INHBA: variants seen among roughly 807,000 people sequenced by gnomAD.
INHBA encodes the protein inhibin beta A chain.
INHBA carries 1 observed loss-of-function variant against 29.0 expected under a neutral mutation model. The ratio of observed to expected loss-of-function variants is 0.03; its 90% CI spans 0.01 to 0.16. INHBA has a LOEUF of 0.16. Ranked by LOEUF, INHBA falls within the 10% of genes least tolerant of loss-of-function variation. INHBA has a pLI of 1.00. For missense variants in INHBA, 376 were observed against 545.4 expected (o/e 0.69, Z 3.09); for synonymous variants, 242 against 216.8 (o/e 1.12, Z -1.02).
At position 41,686,710 on chromosome 7, in the gene INHBA, C is replaced by G. The variant is rs1338517418; in HGVS notation, c.*2940G>C. On this transcript the variant is annotated 3_prime_UTR_variant, in exon 3 of 3. Transcript: ENST00000242208. Reference sequence around the variant, plus strand: ...AATATGGAATTACATTTCTCTGCTTCTGATAACTGTGGTCACTAATCAACC... The same window carrying G: ...AATATGGAATTACATTTCTCTGCTTGTGATAACTGTGGTCACTAATCAACC... 2 of 152,190 alleles carry G rather than the reference C, an allele frequency of 1.3e-5. No individual in the cohort carries two copies. The highest frequency in any genetic ancestry group is 2.9e-5 in the Non-Finnish European group (2 of 68,026). 9.4% of individuals were successfully genotyped at this position (152,190 alleles called of 1,614,324 possible).
intron 2 of INHBA, 57 bp downstream of exon 2, chr7:41,699,930 A>T: frequency 1.6e-6 from 1 of 608,914 alleles, no homozygotes; most frequent in Non-Finnish European, 2.9e-6. Flanking sequence ...TCAAAGAAAT[A>T]TATTTTACCC....
rs1458760887 is a variant in INHBA at position 41,690,220 on chromosome 7, G to T, written c.711C>A (p.Ser237=). ...IQRLLDQGKS[S]LDVRIACEQC... is the part of the protein sequence containing the mutation. Reference sequence around the variant, plus strand: ...GCTCACAGGCAATCCGAACGTCCAGGGAGCTCTTGCCCTGGTCCAGCAACC... The same window carrying T: ...GCTCACAGGCAATCCGAACGTCCAGTGAGCTCTTGCCCTGGTCCAGCAACC... The change falls in exon 3 of 3, where the codon TCC becomes TCA. Residue 237 remains serine (S), a synonymous_variant. Coordinates refer to ENST00000242208, the MANE Select transcript of INHBA (RefSeq NM_002192.4). The T allele has an allele frequency of 5.6e-6, 9 of 1,613,964 alleles. No individual in the cohort carries two copies. Among genetic ancestry groups the T allele is most frequent in the Non-Finnish European group, 7.6e-6 (9 of 1,180,004 alleles).
rs977614262 is a variant in INHBA at position 41,688,036 on chromosome 7, C to CA, written c.*1613_*1614insT. 25 of 152,244 alleles carry CA rather than the reference C, an allele frequency of 1.6e-4. No homozygotes were observed. The highest frequency in any genetic ancestry group is 3.4e-3 in the Middle Eastern group (1 of 294). 9.4% of individuals were successfully genotyped at this position (152,244 alleles called of 1,614,324 possible). On this transcript the variant is annotated 3_prime_UTR_variant, in exon 3 of 3. Coordinates refer to ENST00000242208, the MANE Select transcript of INHBA (RefSeq NM_002192.4). Reference sequence around the variant, plus strand: ...CTGAATATTCACTGGAATTTCCAGGCTTTTTCCCATCCGAATTTTTGAAAT... The same window carrying CA: ...CTGAATATTCACTGGAATTTCCAGGCATTTTTCCCATCCGAATTTTTGAAAT...
Position 41,690,177 on chromosome 7 carries a change from C to T in INHBA, c.754G>A (p.Ala252Thr), listed in dbSNP as rs1378762087. 5.0e-6 allele frequency: 8 copies of T among 1,613,722 alleles called. No individual in the cohort carries two copies. The highest frequency in any genetic ancestry group is 1.6e-4 in the Middle Eastern group (1 of 6,062). ...IACEQCQESG[A>T]SLVLLGKKKK... is the part of the protein sequence containing the mutation. ...TTCTTGCCCAGGAGAACCAAGCTGGCGCCACTCTCCTGGCACTGCTCACAG... is the reference window on the plus strand; with the variant it reads ...TTCTTGCCCAGGAGAACCAAGCTGGTGCCACTCTCCTGGCACTGCTCACAG... The change falls in exon 3 of 3, where the codon GCC (alanine) becomes ACC (threonine). Residue 252 changes from alanine to threonine, a missense_variant. Ala to Thr is a moderately conservative substitution (Grantham distance 58). This residue lies in a region of INHBA where 253 missense variants were observed against 313.4 expected (regional missense o/e 0.81). Coordinates refer to ENST00000242208, the MANE Select transcript of INHBA (RefSeq NM_002192.4).
chr7:41,690,630 G>T (rs932177717), intron 2 of INHBA, 88 bp from the exon 3 acceptor site: 1 of 1,437,390 alleles, frequency 7.0e-7, no homozygotes, highest in African/African-American at 1.4e-5. Flanking sequence ...GCAAGCAGGA[G>T]TCTTCTGTGA....
chr7:41,700,543 G>T, intron 1 of INHBA, 26 bp from the exon 2 acceptor site: 1 of 589,000 alleles, frequency 1.7e-6, no homozygotes, highest in Non-Finnish European at 2.6e-6. Flanking sequence ...AAAGTTTTCT[G>T]TGAAGTTTTG....
At chr7:41,699,947 CCCCCACCCCT>C in intron 2 of INHBA, 30 bp downstream of exon 2, 2 of 204,020 alleles carry the variant, frequency 9.8e-6, no homozygotes, top group Non-Finnish European at 2.1e-5. Flanking sequence ...ACCCTCCCAC[CCCCCACCCCT>C]CCCCACCCCC....
At chr7:41,701,641 T>C (rs924553733) in intron 1 of INHBA, among the ~76,000 whole-genome samples, 1 of 152,152 alleles carries the variant, frequency 6.6e-6, no homozygotes, top group Admixed American at 6.5e-5. Flanking sequence ...CATTACAGCC[T>C]ACCACCACTC....
At chr7:41,704,460 G>T (rs1356477255), upstream of INHBA, among the ~76,000 whole-genome samples, 1 of 152,152 alleles carries the variant, frequency 6.6e-6, no homozygotes, top group East Asian at 1.9e-4. Flanking sequence ...TTAGCACTGG[G>T]TGAACTCAAA....
Position 41,689,451 on chromosome 7 carries a change from TA to T in INHBA, c.*198del. 1.9e-6 allele frequency: 1 copy of T among 525,594 alleles called. No homozygotes were observed. The highest frequency in any genetic ancestry group is 3.2e-6 in the Non-Finnish European group (1 of 310,740). 32.6% of individuals were successfully genotyped at this position (525,594 alleles called of 1,614,324 possible). A position where few individuals can be genotyped will look rare whatever the true frequency, so the allele number is the denominator to read the frequency against. On this transcript the variant is annotated 3_prime_UTR_variant, in exon 3 of 3. Coordinates refer to ENST00000242208, the MANE Select transcript of INHBA (RefSeq NM_002192.4). Reference sequence around the variant, plus strand: ...CACTGCTTCATCTCTGAGCCCTGGCTAAGGATTTTTTCCACATCTTCCTTCA... The same window carrying T: ...CACTGCTTCATCTCTGAGCCCTGGCTAGGATTTTTTCCACATCTTCCTTCA...
At chr7:41,692,543 A>C (rs949798102) in intron 2 of INHBA, 16 of 152,322 alleles carry the variant, frequency 1.1e-4, no homozygotes, top group Non-Finnish European at 2.1e-4. Context: ...GCAGGGCTGC[A>C]GATGGATAGG....
Position 41,700,000 on chromosome 7 carries a change from C to T in INHBA, c.375G>A (p.Thr125=), listed in dbSNP as rs754814863. The change falls in exon 2 of 3, where the codon ACG becomes ACA. Residue 125 remains threonine (T), a synonymous_variant. Coordinates refer to ENST00000242208, the MANE Select transcript of INHBA (RefSeq NM_002192.4). ...GCCAGCACCAACCTGACTCGGCAAA[C>T]GTGATGATCTCCGAGGTCTGCTCCA... ...ELMEQTSEII[T]FAESGTARKT... The T allele has an allele frequency of 7.3e-6, 10 of 1,360,666 alleles. No homozygotes were observed. Among genetic ancestry groups the T allele is most frequent in the African/African-American group, 1.7e-5 (1 of 59,820 alleles). 84.3% of individuals were successfully genotyped at this position (1,360,666 alleles called of 1,614,324 possible).
chr7:41,689,394 T>G lies in INHBA; in HGVS notation c.*256A>C. On this transcript the variant is annotated 3_prime_UTR_variant, in exon 3 of 3. Coordinates refer to ENST00000242208, the MANE Select transcript of INHBA (RefSeq NM_002192.4). ...TTCAGAAGAAATAAAGGGTACACCA[T>G]TCTCCCTTTCCCTCCCAATTCCTGT... is the stretch of plus-strand genomic sequence containing the variant. The G allele has an allele frequency of 4.4e-6, 2 of 453,108 alleles. No individual in the cohort carries two copies. Among genetic ancestry groups the G allele is most frequent in the African/African-American group, 2.0e-5 (1 of 49,296 alleles). 28.1% of individuals were successfully genotyped at this position (453,108 alleles called of 1,614,324 possible). A position where few individuals can be genotyped will look rare whatever the true frequency, so the allele number is the denominator to read the frequency against.
rs554141985 is a variant in INHBA at position 41,685,969 on chromosome 7, T to C, written c.*3681A>G. ...AAAGGTGCACAGGAAATCATTTTTT[T>C]AAGTGAATATGATAATATGGGTCCG... is the stretch of plus-strand genomic sequence containing the variant. On this transcript the variant is annotated 3_prime_UTR_variant, in exon 3 of 3. Transcript: ENST00000242208. 17 of 152,128 alleles carry C rather than the reference T, an allele frequency of 1.1e-4. No homozygotes were observed. The highest frequency in any genetic ancestry group is 2.2e-4 in the Non-Finnish European group (15 of 67,996). 9.4% of individuals were successfully genotyped at this position (152,128 alleles called of 1,614,324 possible). A position where few individuals can be genotyped will look rare whatever the true frequency, so the allele number is the denominator to read the frequency against.
intron 1 of INHBA, among the ~76,000 whole-genome samples, chr7:41,702,477 T>A (rs1794817591): frequency 6.6e-6 from 1 of 152,088 alleles, no homozygotes; most frequent in South Asian, 2.1e-4. Context: ...TGAAAGAGAA[T>A]GGGGGAGGCA....
chr7:41,690,427 C>G lies in INHBA; in HGVS notation c.504G>C (p.Arg168Ser). 6.2e-7 allele frequency: 1 copy of G among 1,614,100 alleles called. No individual in the cohort carries two copies. Among genetic ancestry groups the G allele is most frequent in the Non-Finnish European group, 8.5e-7 (1 of 1,180,026 alleles). ...FLKVPKANRTRTKVTIRLFQQ... is the reference protein window; with the variant it reads ...FLKVPKANRTSTKVTIRLFQQ... ...GGAAGAGGCGGATGGTGACTTTGGT[C>G]CTGGTCCTGTTGGCCTTGGGGACTT... Residue 168 changes from arginine (R) to serine (S), a missense_variant, in exon 3 of 3, where the codon AGG becomes AGC. Physicochemically the swap from Arg to Ser is moderately radical, Grantham distance 110 (BLOSUM62 -1). Transcript: ENST00000242208.
upstream of INHBA, among the ~76,000 whole-genome samples, chr7:41,704,413 G>GGT (rs1411442457): frequency 5.3e-4 from 81 of 152,078 alleles, no homozygotes; most frequent in Non-Finnish European, 9.1e-4. Context: ...GACAGAAATA[G>GGT]GATTAATGAT....
upstream of INHBA, among the ~76,000 whole-genome samples, chr7:41,704,774 A>C (rs1794876732): frequency 1.3e-5 from 2 of 152,046 alleles, no homozygotes; most frequent in South Asian, 4.2e-4. Flanking sequence ...AATGGGATCC[A>C]TGATATGAAC....
In INHBA at chr7:41,685,258, A is replaced by G. The variant is rs1362223275; in HGVS notation, c.*4392T>C. 1 of 152,178 alleles carries G rather than the reference A, an allele frequency of 6.6e-6. No individual in the cohort carries two copies. Among genetic ancestry groups the G allele is most frequent in the African/African-American group, 2.4e-5 (1 of 41,462 alleles). The allele number at this position is 152,178 out of a possible 1,614,324, so 9.4% of individuals were successfully genotyped here. ...CGCTGGAATGCCATAGAAATAAATA[A>G]CTTCTGCTATAAACACATGAAAACA... On this transcript the variant is annotated 3_prime_UTR_variant, in exon 3 of 3. Coordinates refer to ENST00000242208, the MANE Select transcript of INHBA (RefSeq NM_002192.4).
Sources: gnomAD v4.1 joint callset for allele counts (sites outside exome capture counted in the v4.1 genomes callset) on GRCh38, gnomAD v4.1.1 for gene constraint, gnomAD v4.1.1 regional missense constraint, MANE v1.5 for transcripts, NCBI Gene and HGNC (gene_info 2026-07-23, HGNC 2026-07-21) for gene names.